AGTPBP1: variants seen among roughly 807,000 people sequenced by gnomAD.
The protein encoded by AGTPBP1 is ATP/GTP binding carboxypeptidase 1.
Under a neutral mutation model 143.9 loss-of-function variants are expected in AGTPBP1, and 70 were observed. The observed-to-expected ratio is 0.49, with a 90% CI of 0.40 to 0.59. The LOEUF is 0.59. Among genes scored for constraint, AGTPBP1 ranks in the 20% least tolerant of loss-of-function variants. The pLI is 0.00. For synonymous variants in AGTPBP1, 463 were observed against 500.2 expected (o/e 0.93, Z 0.99); for missense variants, 1,229 against 1,464.5 (o/e 0.84, Z 2.62).
chr9:85,574,436 C>A (rs1827761398), intron 25 of AGTPBP1, among the ~76,000 whole-genome samples: 1 of 149,750 alleles, frequency 6.7e-6, no homozygotes, highest in African/African-American at 2.5e-5. Flanking sequence ...TGCCAAATCC[C>A]CCCTGCGAGA....
At chr9:85,667,903 TAAA>T (rs11433029) in intron 8 of AGTPBP1, among the ~76,000 whole-genome samples, 5 of 99,318 alleles carry the variant, frequency 5.0e-5, no homozygotes, top group East Asian at 2.5e-4. Flanking sequence ...AAGCCAACTG[TAAA>T]AAAAAAAAAA....
intron 25 of AGTPBP1, among the ~76,000 whole-genome samples, chr9:85,557,322 T>C (rs1412597633): frequency 6.6e-6 from 1 of 152,184 alleles, no homozygotes; most frequent in African/African-American, 2.4e-5. Context: ...CCCAAACTTA[T>C]TTATCTGGAT....
At chr9:85,596,481 A>C in intron 17 of AGTPBP1, 32 bp from the exon 18 acceptor site, 1 of 1,395,150 alleles carries the variant, frequency 7.2e-7, no homozygotes, top group African/African-American at 1.4e-5. Context: ...AGAGAAAATT[A>C]TTTTCATAAT....
Position 85,639,732 on chromosome 9 carries a change from CAT to C in AGTPBP1, c.1302+3093_1302+3094del, listed in dbSNP as rs558160650. ...GTAAATGCCATCATGCTACCACAGA[CAT>C]ATGAATAAAAGAACTGTGAAAATGC... On this transcript the variant is annotated intron_variant, in intron 13 of 25. Transcript: ENST00000357081. 1.7e-4 allele frequency among the ~76,000 whole-genome samples: 26 copies of C among 152,210 alleles called. No homozygotes were observed. In the East Asian group the frequency reaches 5.0e-3, roughly 29 times the overall value.
chr9:85,768,468 GAA>G, the AGTPBP1 span, among the ~76,000 whole-genome samples: 1 of 151,606 alleles, frequency 6.6e-6, no homozygotes, highest in Non-Finnish European at 1.5e-5. Context: ...AAGTTAATAA[GAA>G]AAAAAATTTG....
intron 2 of AGTPBP1, among the ~76,000 whole-genome samples, chr9:85,699,867 T>C (rs1313439782): frequency 2.6e-5 from 4 of 152,246 alleles, no homozygotes; most frequent in African/African-American, 4.8e-5. Context: ...AATTTTAAAG[T>C]ACTCAATCAT....
the AGTPBP1 span, among the ~76,000 whole-genome samples, chr9:85,790,829 G>A: frequency 7.9e-5 from 12 of 152,056 alleles, no homozygotes; most frequent in Non-Finnish European, 7.4e-5. Context: ...CTGTTATAAT[G>A]AGCAAGATCC....
chr9:85,773,320 CTTTTTTTTTTTTTTTTTTT>C, the AGTPBP1 span, among the ~76,000 whole-genome samples: 1 of 29,946 alleles, frequency 3.3e-5, no homozygotes, highest in South Asian at 1.2e-3. Flanking sequence ...CCAACAAATT[CTTTTTTTTTTTTTTTTTTT>C]TTTTTTTTTT....
chr9:85,695,586 T>C (rs1836171148), intron 2 of AGTPBP1, among the ~76,000 whole-genome samples: 1 of 152,196 alleles, frequency 6.6e-6, no homozygotes, highest in African/African-American at 2.4e-5. Context: ...TTCACCACCA[T>C]GAATTTGTAG....
the AGTPBP1 span, among the ~76,000 whole-genome samples, chr9:85,783,818 A>G: frequency 6.6e-6 from 1 of 152,098 alleles, no homozygotes; most frequent in Admixed American, 6.6e-5. Context: ...TATTTTTAGT[A>G]GAGACCATGT....
At chr9:85,730,332 T>A (rs1334980282) in intron 1 of AGTPBP1, among the ~76,000 whole-genome samples, 1 of 152,204 alleles carries the variant, frequency 6.6e-6, no homozygotes, top group East Asian at 1.9e-4. Context: ...TTTGTGTCCT[T>A]TAAATATCTT....
chr9:85,796,687 C>A, the AGTPBP1 span, among the ~76,000 whole-genome samples: 1 of 152,190 alleles, frequency 6.6e-6, no homozygotes, highest in East Asian at 1.9e-4. Context: ...GAGCTAGATA[C>A]CCTGTTTTAC....
chr9:85,640,539 G>C (rs934396223), intron 13 of AGTPBP1, among the ~76,000 whole-genome samples: 7 of 152,200 alleles, frequency 4.6e-5, no homozygotes, highest in African/African-American at 1.7e-4. Context: ...CTTTCACTCA[G>C]ATCTGTCTTT....
At chr9:85,551,617 C>A (rs544405205) in intron 25 of AGTPBP1, among the ~76,000 whole-genome samples, 17 of 152,288 alleles carry the variant, frequency 1.1e-4, no homozygotes, top group African/African-American at 4.1e-4. Context: ...TTGAGGTTGA[C>A]GAGATCCTCA....
intron 6 of AGTPBP1, among the ~76,000 whole-genome samples, chr9:85,677,154 T>C (rs538899668): frequency 6.6e-6 from 1 of 152,276 alleles, no homozygotes; most frequent in African/African-American, 2.4e-5. Context: ...AATAATTTAT[T>C]ATATATTTTA....
At chr9:85,788,807 G>GATATAGATATATATAATATATCTATAT in the AGTPBP1 span, among the ~76,000 whole-genome samples, 57 of 150,328 alleles carry the variant, frequency 3.8e-4, no homozygotes, top group African/African-American at 1.3e-3. Flanking sequence ...TATATACATA[G>GATATAGATATATATAATATATCTATAT]ATATAGATAT....
chr9:85,729,776 A>C lies in AGTPBP1; in HGVS notation c.-34+11999T>G, dbSNP rs1838759437. On this transcript the variant is annotated intron_variant, in intron 1 of 25. Transcript: ENST00000357081. ...ATTAAAATAGCCAACAGGTATATAAAAAGTTGCTCCACATCACTTATCAGA... is the reference window on the plus strand; with the variant it reads ...ATTAAAATAGCCAACAGGTATATAACAAGTTGCTCCACATCACTTATCAGA... Among the ~76,000 whole-genome samples the C allele has an allele frequency of 2.0e-5, 3 of 152,238 alleles. No individual in the cohort carries two copies. The South Asian group carries it at 6.2e-4, about 32-fold the overall frequency.
intron 3 of AGTPBP1, 111 bp downstream of exon 3, chr9:85,692,578 A>C: frequency 7.2e-7 from 1 of 1,394,096 alleles, no homozygotes; most frequent in East Asian, 2.5e-5. Context: ...CCGGCCTGAA[A>C]GTTCAATTTT....
At chr9:85,672,757 CAG>C (rs1362159397) in intron 6 of AGTPBP1, 76 bp from the exon 7 acceptor site, 5 of 972,428 alleles carry the variant, frequency 5.1e-6, no homozygotes, top group Admixed American at 6.8e-5. Flanking sequence ...TTTTTTGAGA[CAG>C]AGTCTTGCTC....
Sources: allele counts gnomAD v4.1 joint callset (sites outside exome capture counted in the v4.1 genomes callset), GRCh38; gene constraint gnomAD v4.1.1; transcripts MANE v1.5; gene names NCBI Gene and HGNC (gene_info 2026-07-23, HGNC 2026-07-21).